ATP6V0A2: variants seen among roughly 807,000 people sequenced by gnomAD.
ATP6V0A2 encodes the protein V-type proton ATPase 116 kDa subunit a 2.
Under a neutral mutation model 104.4 loss-of-function variants are expected in ATP6V0A2, and 58 were observed. The ratio of observed to expected loss-of-function variants is 0.56; its 90% confidence interval spans 0.45 to 0.69. The LOEUF is 0.69. Ranked by LOEUF, ATP6V0A2 falls within the 30% of genes least tolerant of loss-of-function variation. The probability of loss-of-function intolerance (pLI) is 0.00; values close to 1 mark genes in which losing one functional copy is unlikely to be tolerated. For missense variants in ATP6V0A2, 938 were observed against 1,062.9 expected (o/e 0.88, Z 1.63); for synonymous variants, 376 against 397.9 (o/e 0.95, Z 0.65).
At chr12:123,746,117 G>A (rs1475593335) in intron 13 of ATP6V0A2, among the ~76,000 whole-genome samples, 6 of 151,910 alleles carry the variant, frequency 3.9e-5, no homozygotes, top group Non-Finnish European at 5.9e-5. Context: ...GCCAAATTCA[G>A]TAATAACTTG....
intron 4 of ATP6V0A2, 140 bp downstream of exon 4, chr12:123,724,931 T>C: frequency 1.7e-6 from 1 of 576,430 alleles, no homozygotes. Flanking sequence ...TATTTATTTA[T>C]TTAATTTTAT....
chr12:123,718,043 G>C lies in ATP6V0A2; in HGVS notation c.118-580G>C, dbSNP rs150391809. On this transcript the variant is annotated intron_variant, in intron 1 of 19. Transcript: ENST00000330342. ...GGGCTCAAGCAATTCTCGTGCCTCA[G>C]CCTTCCAAGTAGCTGGAATTACTTA... 3.9e-3 allele frequency among the ~76,000 whole-genome samples: 597 copies of C among 151,364 alleles called. 3 individuals carry two copies. The highest frequency in any genetic ancestry group is 0.013 in the African/African-American group (553 of 41,226).
chr12:123,716,567 C>G (rs12813346), intron 1 of ATP6V0A2, among the ~76,000 whole-genome samples: 74,872 of 151,850 alleles, frequency 0.49, 20,044 homozygotes, highest in African/African-American at 0.7. Context: ...GAGGCAGCCA[C>G]ATCACTTGAG....
chr12:123,743,952 G>T lies in ATP6V0A2; in HGVS notation c.1189+17G>T. 1 of 1,614,002 alleles carries T rather than the reference G, an allele frequency of 6.2e-7. No individual in the cohort carries two copies. On this transcript the variant is annotated intron_variant, in intron 10 of 19. Coordinates refer to ENST00000330342, the MANE Select transcript of ATP6V0A2 (RefSeq NM_012463.4). ...TCAATCCAGGTTGGAAGTCTGATTT[G>T]TAAATACCCGTATTTCCAATGGCAT...
At position 123,737,277 on chromosome 12, in the gene ATP6V0A2, G is replaced by T. The variant is rs1194780844; in HGVS notation, c.1038+6G>T. 6.2e-7 allele frequency: 1 copy of T among 1,613,956 alleles called. No homozygotes were observed. Among genetic ancestry groups the T allele is most frequent in the South Asian group, 1.1e-5 (1 of 91,068 alleles). ...GGGCACTGGAGGAGGGCTCGGTAAG[G>T]CTGCCTTCCTCTCCTCTGCCAGGAA... On this transcript the variant is annotated splice_donor_region_variant and intron_variant, in intron 9 of 19. Coordinates refer to ENST00000330342, the MANE Select transcript of ATP6V0A2 (RefSeq NM_012463.4).
At position 123,744,031 on chromosome 12, in the gene ATP6V0A2, A is replaced by G. The variant is rs577416240; in HGVS notation, c.1189+96A>G. On this transcript the variant is annotated intron_variant, in intron 10 of 19. Coordinates refer to ENST00000330342, the MANE Select transcript of ATP6V0A2 (RefSeq NM_012463.4). The surrounding 1 kb of genome is among the most constrained non-coding windows in gnomAD (Gnocchi z 5.4). ...AGATATTTGGAAAGAGAGGCTGACC[A>G]TTACTTTTTTGCTATCTTATTTAAA... The G allele has an allele frequency of 1.1e-5, 17 of 1,567,210 alleles. No individual in the cohort carries two copies. Among genetic ancestry groups the G allele is most frequent in the African/African-American group, 4.1e-5 (3 of 73,938 alleles).
rs749621659 is a variant in ATP6V0A2 at position 123,744,987 on chromosome 12, C to T, written c.1605+15C>T. 3.1e-6 allele frequency: 5 copies of T among 1,611,954 alleles called. No individual in the cohort carries two copies. The highest frequency in any genetic ancestry group is 4.2e-6 in the Non-Finnish European group (5 of 1,178,132). ...GCATTGATCCTGTGAGTGCACCACG[C>T]TCTGTCGTTGTCTCTGGATGCTCTG... is the stretch of plus-strand genomic sequence containing the variant. On this transcript the variant is annotated intron_variant, in intron 13 of 19. Transcript: ENST00000330342. This position sits in a 1 kb window ranked among gnomAD's most constrained non-coding sequence, Gnocchi z 5.4.
chr12:123,750,277 G>A (rs1343469034), intron 15 of ATP6V0A2: 4 of 152,258 alleles, frequency 2.6e-5, no homozygotes, highest in Admixed American at 2.0e-4. Context: ...ATAACTGGTG[G>A]CTCAGGGCAG....
chr12:123,712,730 C>A, intron 1 of ATP6V0A2, 48 bp downstream of exon 1: 1 of 1,509,848 alleles, frequency 6.6e-7, no homozygotes, highest in Non-Finnish European at 9.1e-7. Context: ...TCCTGGCGCC[C>A]CCAATCCCGC....
At chr12:123,726,370 A>G (rs532687163) in intron 5 of ATP6V0A2, 85 bp downstream of exon 5, 45 of 941,132 alleles carry the variant, frequency 4.8e-5, no homozygotes, top group Non-Finnish European at 7.4e-5. Context: ...ATGAATGGAG[A>G]CCATTTTAAA....
In ATP6V0A2 at chr12:123,743,809, T is replaced by A; in HGVS notation, c.1063T>A (p.Ser355Thr). The change falls in exon 10 of 20, where the codon TCA becomes ACA. Residue 355 changes from serine (S) to threonine (T), a missense_variant. Transcript: ENST00000330342. ...GSRESGATIP[S>T]FMNIIPTKET... ...GAGAGAGAGTGGTGCTACAATCCCC[T>A]CATTCATGAATATAATCCCCACAAA... 1 of 1,614,126 alleles carries A rather than the reference T, an allele frequency of 6.2e-7. No homozygotes were observed. Among genetic ancestry groups the A allele is most frequent in the Non-Finnish European group, 8.5e-7 (1 of 1,180,010 alleles).
chr12:123,752,779 A>C (rs1237625404), intron 17 of ATP6V0A2, among the ~76,000 whole-genome samples: 5 of 152,220 alleles, frequency 3.3e-5, no homozygotes, highest in African/African-American at 1.2e-4. Context: ...TTACTGGCTC[A>C]TGGCAGGACA....
intron 2 of ATP6V0A2, among the ~76,000 whole-genome samples, chr12:123,720,452 TTTGGGAGGCCAAGGTGGGAGGATCAC>T (rs1956388462): frequency 1.3e-5 from 2 of 152,224 alleles, no homozygotes; most frequent in Admixed American, 6.5e-5. Flanking sequence ...ATTCCAGCAC[TTTGGGAGGCCAAGGTGGGAGGATCAC>T]TTGAGTCCAG....
At position 123,747,667 on chromosome 12, in the gene ATP6V0A2, G is replaced by A. The variant is rs139454557; in HGVS notation, c.1666G>A (p.Val556Met). The change falls in exon 14 of 20, where the codon GTG becomes ATG. Residue 556 changes from valine (V) to methionine (M), a missense_variant. Coordinates refer to ENST00000330342, the MANE Select transcript of ATP6V0A2 (RefSeq NM_012463.4). ...AAACTCTTTCAAAATGAAAATGTCC[G>A]TGATTTTAGGAATCATTCATATGAC... ...FLNSFKMKMS[V>M]ILGIIHMTFG... 1.4e-5 allele frequency: 22 copies of A among 1,613,506 alleles called. No individual in the cohort carries two copies. Among genetic ancestry groups the A allele is most frequent in the Non-Finnish European group, 1.8e-5 (21 of 1,179,596 alleles).
intron 1 of ATP6V0A2, among the ~76,000 whole-genome samples, chr12:123,713,313 G>A (rs954121456): frequency 6.6e-6 from 1 of 151,948 alleles, no homozygotes; most frequent in African/African-American, 2.4e-5. Flanking sequence ...GGTCACTGAT[G>A]CTTAATGCTG....
At chr12:123,735,180 T>A (rs1035427294) in intron 7 of ATP6V0A2, among the ~76,000 whole-genome samples, 3,072 of 136,906 alleles carry the variant, frequency 0.022, 47 homozygotes, top group African/African-American at 0.037. Context: ...TGTGTGTCTG[T>A]TGTGTGTCTG....
At chr12:123,735,908 G>T (rs1347604167) in intron 8 of ATP6V0A2, among the ~76,000 whole-genome samples, 1 of 152,148 alleles carries the variant, frequency 6.6e-6, no homozygotes, top group Non-Finnish European at 1.5e-5. Context: ...CTCTCGCTCT[G>T]TCGCCCAGGC....
chr12:123,716,583 C>T (rs1434600529), intron 1 of ATP6V0A2, among the ~76,000 whole-genome samples: 1 of 151,878 alleles, frequency 6.6e-6, no homozygotes, highest in Non-Finnish European at 1.5e-5. Flanking sequence ...TTGAGCCCAC[C>T]AGTTTGAGAC....
Position 123,757,797 on chromosome 12 carries a change from T to C in ATP6V0A2, c.2466-130T>C, listed in dbSNP as rs1956778589. ...GGCAGTGTTTAGCTAAGTAAAAATA[T>C]ATGTGCCAAGAACATATTTTGGAAT... is the stretch of plus-strand genomic sequence containing the variant. On this transcript the variant is annotated intron_variant, in intron 19 of 19. Coordinates refer to ENST00000330342, the MANE Select transcript of ATP6V0A2 (RefSeq NM_012463.4). The C allele has an allele frequency of 4.5e-6, 3 of 668,822 alleles. No individual in the cohort carries two copies. In the South Asian group the frequency reaches 5.5e-5, roughly 12 times the overall value. 41.4% of individuals were successfully genotyped at this position (668,822 alleles called of 1,614,324 possible). A position where few individuals can be genotyped will look rare whatever the true frequency, so the allele number is the denominator to read the frequency against.
Sources: gnomAD v4.1 joint callset for allele counts (sites outside exome capture counted in the v4.1 genomes callset) on GRCh38, gnomAD v4.1.1 for gene constraint, Gnocchi (gnomAD v3.1) non-coding constraint, MANE v1.5 for transcripts, NCBI Gene and HGNC (gene_info 2026-07-23, HGNC 2026-07-21) for gene names.